Variants in ROBO1 observed in about 807,000 individuals in gnomAD.
ROBO1 encodes the protein roundabout homolog 1.
Under a neutral mutation model 195.9 loss-of-function variants are expected in ROBO1, and 149 were observed. That is an observed-to-expected ratio of 0.76 (90% CI 0.67 to 0.87). The LOEUF is 0.87. Among genes scored for constraint, ROBO1 ranks in the 40% least tolerant of loss-of-function variants. ROBO1 has a pLI of 0.00. For missense variants in ROBO1, 1,933 were observed against 2,068.3 expected (o/e 0.93, Z 1.27); for synonymous variants, 816 against 733.2 (o/e 1.11, Z -1.82).
chr3:79,068,719 T>A (rs554747576), intron 3 of ROBO1, among the ~76,000 whole-genome samples: 1 of 151,848 alleles, frequency 6.6e-6, no homozygotes, highest in East Asian at 2.0e-4. Context: ...AAACTTACAA[T>A]AAGAATAGTC....
chr3:78,990,379 A>T (rs2077209700), intron 3 of ROBO1, among the ~76,000 whole-genome samples: 1 of 152,168 alleles, frequency 6.6e-6, no homozygotes, highest in Admixed American at 6.6e-5. Context: ...ACGAGCATAT[A>T]TTTCAATGAA....
intron 1 of ROBO1, among the ~76,000 whole-genome samples, chr3:79,688,329 T>C (rs1345979416): frequency 6.6e-6 from 1 of 151,998 alleles, no homozygotes; most frequent in Non-Finnish European, 1.5e-5. Flanking sequence ...GTAACTAACC[T>C]GCACGTTGTG....
chr3:79,569,729 A>G (rs1322546723), intron 2 of ROBO1, among the ~76,000 whole-genome samples: 5 of 148,800 alleles, frequency 3.4e-5, no homozygotes, highest in South Asian at 2.1e-4. Flanking sequence ...ATGTGTGTGT[A>G]TGTGTATATA....
intron 4 of ROBO1, among the ~76,000 whole-genome samples, chr3:78,867,934 A>G (rs184715513): frequency 6.6e-6 from 1 of 152,328 alleles, no homozygotes; most frequent in African/African-American, 2.4e-5. Context: ...ATTGAGACTA[A>G]TAACAGAACC....
At chr3:79,732,102 C>T (rs1703175235) in intron 1 of ROBO1, among the ~76,000 whole-genome samples, 1 of 151,834 alleles carries the variant, frequency 6.6e-6, no homozygotes, top group African/African-American at 2.4e-5. Flanking sequence ...CAAACCCATC[C>T]AGTATGTTAC....
intron 4 of ROBO1, among the ~76,000 whole-genome samples, chr3:78,898,819 ATATAT>A (rs1358215494): frequency 6.6e-6 from 1 of 152,134 alleles, no homozygotes; most frequent in Non-Finnish European, 1.5e-5. Context: ...AATTTTGTGT[ATATAT>A]ATGTAAAGTG....
chr3:79,697,990 A>AT (rs1947497581), intron 1 of ROBO1, among the ~76,000 whole-genome samples: 1 of 151,566 alleles, frequency 6.6e-6, no homozygotes, highest in Non-Finnish European at 1.5e-5. Flanking sequence ...GATTTTAAAG[A>AT]TTTTTTATTG....
At chr3:78,824,157 T>A (rs534556701) in intron 4 of ROBO1, among the ~76,000 whole-genome samples, 1 of 152,302 alleles carries the variant, frequency 6.6e-6, no homozygotes, top group East Asian at 1.9e-4. Context: ...TTGAATTAAG[T>A]AAATCTATGA....
At chr3:79,764,722 A>C (rs1358600080) in intron 1 of ROBO1, among the ~76,000 whole-genome samples, 1 of 152,242 alleles carries the variant, frequency 6.6e-6, no homozygotes, top group Non-Finnish European at 1.5e-5. Context: ...CTACTTTCCA[A>C]ATAGTGCACA....
Position 78,644,786 on chromosome 3 carries a change from G to A in ROBO1, c.2882+1362C>T, listed in dbSNP as rs1706174507. ...GAGTAGGAACCAAGCTTATTTTTCT[G>A]TATGTGTGTGTGATACTTGTGTACA... On this transcript the variant is annotated intron_variant, in intron 21 of 30. Coordinates refer to ENST00000464233, the MANE Select transcript of ROBO1 (RefSeq NM_002941.4). Among the ~76,000 whole-genome samples the A allele has an allele frequency of 3.3e-5, 5 of 149,570 alleles. No individual in the cohort carries two copies. The South Asian group carries it at 8.3e-4, about 25-fold the overall frequency.
intron 20 of ROBO1, 80 bp downstream of exon 20, chr3:78,647,549 T>C (rs1328950838): frequency 9.6e-6 from 13 of 1,349,734 alleles, no homozygotes; most frequent in Non-Finnish European, 1.4e-5. Flanking sequence ...CTGCAGAAAA[T>C]GAAATAAAAA....
intron 5 of ROBO1, among the ~76,000 whole-genome samples, chr3:78,728,649 AC>A (rs2082219666): frequency 6.6e-6 from 1 of 152,212 alleles, no homozygotes; most frequent in South Asian, 2.1e-4. Flanking sequence ...GGGCAAGTAC[AC>A]ACACATTGTA....
intron 2 of ROBO1, among the ~76,000 whole-genome samples, chr3:79,411,268 T>C (rs1240933097): frequency 6.6e-6 from 1 of 152,174 alleles, no homozygotes; most frequent in Non-Finnish European, 1.5e-5. Flanking sequence ...AATCCTGTCC[T>C]GTAACACATG....
chr3:79,744,811 TAC>T (rs1325929756), intron 1 of ROBO1, among the ~76,000 whole-genome samples: 4 of 152,270 alleles, frequency 2.6e-5, no homozygotes, highest in Middle Eastern at 3.4e-3. Flanking sequence ...ATTCACAATT[TAC>T]ACAGTTACTA....
At chr3:79,486,083 C>T (rs1187658267) in intron 2 of ROBO1, among the ~76,000 whole-genome samples, 1 of 152,142 alleles carries the variant, frequency 6.6e-6, no homozygotes, top group African/African-American at 2.4e-5. Flanking sequence ...TTATTATTAT[C>T]TCAATGGCTG....
At chr3:79,671,051 A>T (rs530437503) in intron 1 of ROBO1, among the ~76,000 whole-genome samples, 22 of 151,904 alleles carry the variant, frequency 1.4e-4, no homozygotes, top group African/African-American at 5.3e-4. Flanking sequence ...AAAAAAGCTG[A>T]CTCCTAATTA....
rs113547714 is a variant in ROBO1, at chr3:79,021,774, C to T, written c.173-82847G>A. Among the ~76,000 whole-genome samples the T allele has an allele frequency of 6.1e-4, 93 of 151,782 alleles. 1 individual carries two copies. Among genetic ancestry groups the T allele is most frequent in the African/African-American group, 2.1e-3 (87 of 41,384 alleles). ...CTCCCGGGTTCACGCCATTCTCCTG[C>T]CTCAGCCTCCCAAGTAGCTGGGACT... On this transcript the variant is annotated intron_variant, in intron 3 of 30. Coordinates refer to ENST00000464233, the MANE Select transcript of ROBO1 (RefSeq NM_002941.4).
intron 4 of ROBO1, among the ~76,000 whole-genome samples, chr3:78,894,365 G>C (rs949439599): frequency 1.3e-5 from 2 of 152,010 alleles, no homozygotes; most frequent in Admixed American, 1.3e-4. Flanking sequence ...AAAATAAACA[G>C]TACTGAATAC....
intron 3 of ROBO1, among the ~76,000 whole-genome samples, chr3:79,011,931 A>G (rs2077790255): frequency 6.6e-6 from 1 of 152,064 alleles, no homozygotes; most frequent in Admixed American, 6.6e-5. Context: ...TGTTTCAAGC[A>G]GAACACTGCA....
Sources: allele counts gnomAD v4.1 joint callset (sites outside exome capture counted in the v4.1 genomes callset), GRCh38; gene constraint gnomAD v4.1.1; transcripts MANE v1.5; gene names NCBI Gene and HGNC (gene_info 2026-07-23, HGNC 2026-07-21).